NBAS: variants seen among roughly 807,000 people sequenced by gnomAD.
The protein encoded by NBAS is NBAS subunit of NRZ tethering complex, also known as NAG/BC035112 fusion.
A neutral mutation model predicts 302.5 loss-of-function variants in NBAS; 219 were observed. The ratio of observed to expected loss-of-function variants is 0.72; its 90% CI spans 0.65 to 0.81. The LOEUF (loss-of-function observed/expected upper bound fraction) is 0.81. Ranked by LOEUF, NBAS falls within the 30% of genes least tolerant of loss-of-function variation. NBAS has a pLI of 0.00. For missense variants in NBAS, 2,932 were observed against 2,841.6 expected, an observed-to-expected ratio of 1.03 and a Z score of -0.72; for synonymous variants, 1,118 against 1,021.6, an observed-to-expected ratio of 1.09 and a Z score of -1.80.
the NBAS span, among the ~76,000 whole-genome samples, chr2:14,901,837 A>G: frequency 0.24 from 36,178 of 151,822 alleles, 4,512 homozygotes; most frequent in Non-Finnish European, 0.27. Flanking sequence ...TGACCTTGAA[A>G]AAAGACTAAA....
At chr2:15,239,284 T>C (rs1160730623) in intron 44 of NBAS, among the ~76,000 whole-genome samples, 1 of 152,028 alleles carries the variant, frequency 6.6e-6, no homozygotes, top group Non-Finnish European at 1.5e-5. Flanking sequence ...AACTTCAAAC[T>C]ATATCTGCAT....
At chr2:14,918,185 C>T in the NBAS span, among the ~76,000 whole-genome samples, 3 of 152,104 alleles carry the variant, frequency 2.0e-5, no homozygotes, top group South Asian at 6.2e-4. Flanking sequence ...CACTTGCATC[C>T]TAATTTCTTG....
the NBAS span, among the ~76,000 whole-genome samples, chr2:14,935,961 A>G: frequency 6.6e-6 from 1 of 152,170 alleles, no homozygotes; most frequent in African/African-American, 2.4e-5. Flanking sequence ...TCAGTAGAAC[A>G]CTGGCCAATT....
the NBAS span, among the ~76,000 whole-genome samples, chr2:14,855,157 G>A: frequency 6.6e-6 from 1 of 151,992 alleles, no homozygotes; most frequent in Non-Finnish European, 1.5e-5. Context: ...AACATGTCTA[G>A]ACACACCCTG....
the NBAS span, among the ~76,000 whole-genome samples, chr2:15,028,783 A>G: frequency 6.6e-6 from 1 of 152,202 alleles, no homozygotes; most frequent in African/African-American, 2.4e-5. Context: ...GTAAGTCCCC[A>G]ATCTCAGTTT....
At chr2:15,185,844 T>G (rs1384996019) in intron 50 of NBAS, among the ~76,000 whole-genome samples, 8 of 152,184 alleles carry the variant, frequency 5.3e-5, no homozygotes, top group African/African-American at 1.9e-4. Flanking sequence ...GAGAATATTT[T>G]CCTTGAGTGA....
At chr2:15,483,783 A>T (rs1176234889) in intron 12 of NBAS, among the ~76,000 whole-genome samples, 2 of 152,240 alleles carry the variant, frequency 1.3e-5, no homozygotes, top group African/African-American at 4.8e-5. Flanking sequence ...GCATGAAGAA[A>T]GCCCCAAATG....
At chr2:15,432,408 C>T (rs1677810350) in intron 21 of NBAS, among the ~76,000 whole-genome samples, 1 of 152,014 alleles carries the variant, frequency 6.6e-6, no homozygotes, top group South Asian at 2.1e-4. Flanking sequence ...ATAAACTACG[C>T]TGGCTTTCAT....
At chr2:15,535,757 T>C (rs548050073) in intron 8 of NBAS, among the ~76,000 whole-genome samples, 1 of 152,270 alleles carries the variant, frequency 6.6e-6, no homozygotes, top group African/African-American at 2.4e-5. Context: ...GACACAATTT[T>C]TGAATGTTTT....
the NBAS span, among the ~76,000 whole-genome samples, chr2:14,795,146 GGTGT>G: frequency 6.6e-6 from 1 of 152,082 alleles, no homozygotes; most frequent in African/African-American, 2.4e-5. Context: ...TCATATGCTA[GGTGT>G]GTGTGTAACT....
the NBAS span, among the ~76,000 whole-genome samples, chr2:14,830,703 C>A: frequency 6.6e-6 from 1 of 152,140 alleles, no homozygotes; most frequent in Non-Finnish European, 1.5e-5. Flanking sequence ...TAGAGGGCAG[C>A]TTTGCATGAA....
chr2:14,831,401 A>T, the NBAS span, among the ~76,000 whole-genome samples: 220 of 152,354 alleles, frequency 1.4e-3, no homozygotes, highest in African/African-American at 4.5e-3. Context: ...CTAAGTAAGG[A>T]ATGGAAATAA....
intron 11 of NBAS, among the ~76,000 whole-genome samples, chr2:15,497,385 G>C (rs1681109990): frequency 6.6e-6 from 1 of 152,154 alleles, no homozygotes; most frequent in African/African-American, 2.4e-5. Flanking sequence ...GAAAAAAGAA[G>C]TAGAAAGATT....
At chr2:15,097,850 A>G in the NBAS span, among the ~76,000 whole-genome samples, 1 of 142,796 alleles carries the variant, frequency 7.0e-6, no homozygotes, top group Non-Finnish European at 1.5e-5. Flanking sequence ...GTCAGATAAT[A>G]TATGTAAAGC....
the NBAS span, among the ~76,000 whole-genome samples, chr2:15,108,160 T>C: frequency 1.3e-5 from 2 of 152,164 alleles, no homozygotes; most frequent in African/African-American, 4.8e-5. Context: ...GCATATAAGC[T>C]TTTGTGTGAA....
In NBAS at chr2:15,330,683, G is replaced by T. The variant is rs1437453124; in HGVS notation, c.4262C>A (p.Thr1421Asn). ...CAGCACCGCTTTGGTGGTGGTTGTGGTGTTGGAAAGGACTTTCATGGTGGT... is the reference window on the plus strand; with the variant it reads ...CAGCACCGCTTTGGTGGTGGTTGTGTTGTTGGAAAGGACTTTCATGGTGGT... Reference protein sequence around the residue: ...TATTMKVLSNTTTTTKAVLQA... With the variant: ...TATTMKVLSNNTTTTKAVLQA... The change falls in exon 36 of 52, where the codon ACC becomes AAC. Residue 1421 changes from threonine to asparagine, a missense_variant. Thr to Asn is a moderately conservative substitution (Grantham distance 65). Coordinates refer to ENST00000281513, the MANE Select transcript of NBAS (RefSeq NM_015909.4). The T allele has an allele frequency of 1.2e-6, 2 of 1,613,986 alleles. No individual in the cohort carries two copies. The highest frequency in any genetic ancestry group is 1.7e-6 in the Non-Finnish European group (2 of 1,179,976).
At chr2:15,503,122 G>A (rs866291602) in intron 11 of NBAS, among the ~76,000 whole-genome samples, 11 of 152,086 alleles carry the variant, frequency 7.2e-5, no homozygotes, top group South Asian at 2.1e-4. Flanking sequence ...ATCTTATCCC[G>A]CTGGAAGGTC....
At chr2:15,185,053 T>C (rs746130761) in intron 50 of NBAS, among the ~76,000 whole-genome samples, 18 of 152,188 alleles carry the variant, frequency 1.2e-4, no homozygotes, top group Admixed American at 5.9e-4. Context: ...TCAATATTCA[T>C]GTATCTCCCA....
the NBAS span, among the ~76,000 whole-genome samples, chr2:15,120,618 A>G: frequency 2.0e-5 from 3 of 151,972 alleles, no homozygotes; most frequent in Non-Finnish European, 2.9e-5. Flanking sequence ...TTTCCTTTCC[A>G]TTACCCTCTT....
Sources: allele counts gnomAD v4.1 joint callset (sites outside exome capture counted in the v4.1 genomes callset), GRCh38; gene constraint gnomAD v4.1.1; transcripts MANE v1.5; gene names NCBI Gene and HGNC (gene_info 2026-07-23, HGNC 2026-07-21).